TFEC: variants seen among roughly 807,000 people sequenced by gnomAD.
TFEC encodes the protein transcription factor EC, also known as class E basic helix-loop-helix protein 34.
Under a neutral mutation model 41.6 loss-of-function variants are expected in TFEC, and 31 were observed. The ratio of observed to expected loss-of-function variants is 0.74; its 90% CI spans 0.56 to 1.01. The LOEUF is 1.01. Among genes scored for constraint, TFEC ranks in the 50% least tolerant of loss-of-function variants. TFEC has a pLI of 0.00. For missense variants in TFEC, 402 were observed against 404.1 expected (o/e 0.99, Z 0.04); for synonymous variants, 143 against 140.6 (o/e 1.02, Z -0.12).
intron 6 of TFEC, among the ~76,000 whole-genome samples, chr7:115,942,394 C>A (rs1237515681): frequency 6.6e-6 from 1 of 151,990 alleles, no homozygotes; most frequent in East Asian, 1.9e-4. Flanking sequence ...CATTAATGAA[C>A]TAGGAAATGT....
rs959245687 is a variant in TFEC at position 115,985,193 on chromosome 7, C to T, written c.-72-680G>A. Reference sequence around the variant, plus strand: ...CAGGAGCATTCAGAAAAAAATCTAACGATTGTCATGTGTCAGCTAAACAAC... The same window carrying T: ...CAGGAGCATTCAGAAAAAAATCTAATGATTGTCATGTGTCAGCTAAACAAC... On this transcript the variant is annotated intron_variant, in intron 1 of 7. Coordinates refer to ENST00000265440, the MANE Select transcript of TFEC (RefSeq NM_012252.4). Among the ~76,000 whole-genome samples, 116 of 152,012 alleles carry T rather than the reference C, an allele frequency of 7.6e-4. 3 individuals are homozygous for T. The highest frequency in any genetic ancestry group is 3.9e-4 in the Admixed American group (6 of 15,240).
intron 1 of TFEC, among the ~76,000 whole-genome samples, chr7:116,132,152 C>T (rs1269473867): frequency 6.6e-6 from 1 of 152,090 alleles, no homozygotes; most frequent in Non-Finnish European, 1.5e-5. Context: ...TGCAGAGAAG[C>T]CAACGGCATC....
intron 3 of TFEC, among the ~76,000 whole-genome samples, chr7:116,049,219 C>T (rs1796247171): frequency 6.6e-6 from 1 of 152,148 alleles, no homozygotes; most frequent in African/African-American, 2.4e-5. Flanking sequence ...CATCAGTGTG[C>T]TGTATTCAGG....
At chr7:116,159,435 AG>A (rs1270395692) in intron 1 of TFEC, among the ~76,000 whole-genome samples, 1 of 152,038 alleles carries the variant, frequency 6.6e-6, no homozygotes, top group East Asian at 1.9e-4. Flanking sequence ...ATAAAAGGAG[AG>A]AAACATAGTC....
chr7:115,974,079 G>GA (rs1793257989), intron 3 of TFEC, 91 bp downstream of exon 3: 1 of 1,062,968 alleles, frequency 9.4e-7, no homozygotes, highest in African/African-American at 1.7e-5. Flanking sequence ...AAAAAGTGCA[G>GA]AAAAAAGCAC....
At chr7:116,064,751 T>A (rs1436751272) in intron 3 of TFEC, among the ~76,000 whole-genome samples, 1 of 152,076 alleles carries the variant, frequency 6.6e-6, no homozygotes, top group Admixed American at 6.6e-5. Context: ...TGGCAACTTA[T>A]GAAAGATCTA....
At chr7:116,051,157 G>A (rs1030759010) in intron 3 of TFEC, among the ~76,000 whole-genome samples, 1 of 152,132 alleles carries the variant, frequency 6.6e-6, no homozygotes, top group African/African-American at 2.4e-5. Context: ...TGGGGTTGGG[G>A]GAAGGGGGAG....
In TFEC at chr7:116,146,891, T is replaced by C. The variant is rs1054520318; in HGVS notation, c.-69+12899A>G. ...AGTGCAATGAAGAAAGAAAATATTA[T>C]GGGAGCTGACCAGACATATTTGAAA... On this transcript the variant is annotated intron_variant, in intron 1 of 8. Transcript: ENST00000484212. 3.3e-5 allele frequency among the ~76,000 whole-genome samples: 5 copies of C among 152,168 alleles called. 1 individual carries two copies. Among genetic ancestry groups the C allele is most frequent in the East Asian group, 1.9e-4 (1 of 5,204 alleles).
chr7:115,953,836 C>G (rs185377322), intron 5 of TFEC, among the ~76,000 whole-genome samples: 1 of 152,188 alleles, frequency 6.6e-6, no homozygotes, highest in Non-Finnish European at 1.5e-5. Flanking sequence ...TCAATTTCAG[C>G]TAGCGATACA....
At chr7:116,127,744 T>G (rs1378079406) in intron 1 of TFEC, among the ~76,000 whole-genome samples, 1 of 151,414 alleles carries the variant, frequency 6.6e-6, no homozygotes, top group Non-Finnish European at 1.5e-5. Context: ...GCAACTTATG[T>G]GAAAGAAGAC....
chr7:115,968,284 G>A, intron 3 of TFEC: 1 of 1,522,214 alleles, frequency 6.6e-7, no homozygotes. Flanking sequence ...CAATAACCAA[G>A]AGAACTGTGT....
chr7:116,076,649 T>C (rs1796966942), intron 3 of TFEC, among the ~76,000 whole-genome samples: 1 of 151,642 alleles, frequency 6.6e-6, no homozygotes, highest in African/African-American at 2.4e-5. Flanking sequence ...GTCTCAGCAA[T>C]ACAATAAACA....
intron 1 of TFEC, among the ~76,000 whole-genome samples, chr7:116,026,966 TAAG>T (rs1795608550): frequency 6.6e-6 from 1 of 152,174 alleles, no homozygotes; most frequent in African/African-American, 2.4e-5. Flanking sequence ...AAATGTTAAT[TAAG>T]AAGAAGCCTA....
intron 1 of TFEC, among the ~76,000 whole-genome samples, chr7:116,026,450 C>T (rs532401023): frequency 7.9e-5 from 12 of 152,262 alleles, no homozygotes; most frequent in African/African-American, 2.9e-4. Context: ...ATACCTTATC[C>T]ATCTTAGCAT....
At position 115,951,318 on chromosome 7, in the gene TFEC, G is replaced by A. The variant is rs569697565; in HGVS notation, c.440-369C>T. ...ATCAGGATTGTAATCATTCGAGGTC[G>A]TGCAACACTCTTTACTCTTCTCATA... On this transcript the variant is annotated intron_variant, in intron 5 of 7. Transcript: ENST00000265440. Among the ~76,000 whole-genome samples the A allele has an allele frequency of 7.1e-4, 108 of 152,048 alleles. 2 individuals carry two copies. In the Middle Eastern group the frequency reaches 0.017, roughly 24 times the overall value.
At chr7:116,084,174 T>C (rs996647457) in intron 3 of TFEC, among the ~76,000 whole-genome samples, 1 of 151,954 alleles carries the variant, frequency 6.6e-6, no homozygotes, top group Non-Finnish European at 1.5e-5. Flanking sequence ...CCTTGTATTA[T>C]GCCAATTAAC....
intron 1 of TFEC, 42 bp downstream of exon 1, chr7:116,030,591 G>C: frequency 1.0e-6 from 1 of 980,688 alleles, no homozygotes; most frequent in Non-Finnish European, 1.2e-6. Flanking sequence ...TTCCTAGTTT[G>C]TTTAAAGTAC....
chr7:116,026,532 T>C (rs1795592512), intron 1 of TFEC, among the ~76,000 whole-genome samples: 1 of 152,142 alleles, frequency 6.6e-6, no homozygotes, highest in African/African-American at 2.4e-5. Context: ...TAACCTTACA[T>C]AGATATTAAT....
At chr7:115,971,914 T>G (rs970411410) in intron 3 of TFEC, among the ~76,000 whole-genome samples, 2 of 152,042 alleles carry the variant, frequency 1.3e-5, no homozygotes, top group Non-Finnish European at 2.9e-5. Flanking sequence ...AACCAATAAA[T>G]TCCTTTCATG....
Sources: allele counts gnomAD v4.1 joint callset (sites outside exome capture counted in the v4.1 genomes callset), GRCh38; gene constraint gnomAD v4.1.1; transcripts MANE v1.5; gene names NCBI Gene and HGNC (gene_info 2026-07-23, HGNC 2026-07-21).